Variants in MYO1E observed in about 807,000 individuals in gnomAD.
MYO1E encodes myosin IE.
MYO1E carries 68 observed loss-of-function variants against 151.1 expected under a neutral mutation model. The observed-to-expected ratio is 0.45, with a 90% CI of 0.37 to 0.55. MYO1E has a LOEUF of 0.55. Ranked by LOEUF, MYO1E falls within the 20% of genes least tolerant of loss-of-function variation. MYO1E has a pLI of 0.00. For synonymous variants in MYO1E, 601 were observed against 501.7 expected, an observed-to-expected ratio of 1.20 and a Z score of -2.64; for missense variants, 1,363 against 1,389.3, an observed-to-expected ratio of 0.98 and a Z score of 0.30.
In MYO1E at chr15:59,261,494, C is replaced by G; in HGVS notation, c.163G>C (p.Val55Leu). 1 of 1,601,938 alleles carries G rather than the reference C, an allele frequency of 6.2e-7. No individual in the cohort carries two copies. The highest frequency in any genetic ancestry group is 8.6e-7 in the Non-Finnish European group (1 of 1,169,242). The change falls in exon 3 of 28, where the codon GTA becomes CTA. Residue 55 changes from valine (V) to leucine (L), a missense_variant. Coordinates refer to ENST00000288235, the MANE Select transcript of MYO1E (RefSeq NM_004998.4). ...TTGAAAGGGTTGACTGAGATTAATACAGATCCTATATATGTCTGAATTTAA... is the reference window on the plus strand; with the variant it reads ...TTGAAAGGGTTGACTGAGATTAATAGAGATCCTATATATGTCTGAATTTAA... ...DDYIFTYIGS[V>L]LISVNPFKQM...
intron 1 of MYO1E, among the ~76,000 whole-genome samples, chr15:59,308,919 T>C (rs2080532891): frequency 6.6e-6 from 1 of 151,948 alleles, no homozygotes; most frequent in South Asian, 2.1e-4. Flanking sequence ...GAGGCAGAAT[T>C]GCAGAAAGAG....
At chr15:59,139,422 C>G (rs149233036) in intron 26 of MYO1E, among the ~76,000 whole-genome samples, 2 of 150,898 alleles carry the variant, frequency 1.3e-5, no homozygotes, top group East Asian at 4.0e-4. Context: ...ACTCCTCACA[C>G]TTCCCTCCCA....
At chr15:59,239,516 T>C (rs555516707) in intron 4 of MYO1E, among the ~76,000 whole-genome samples, 2 of 151,958 alleles carry the variant, frequency 1.3e-5, no homozygotes, top group East Asian at 3.9e-4. Context: ...TAAAAAAGAA[T>C]TATAAAAGGA....
chr15:59,176,020 C>T (rs183365743), intron 19 of MYO1E, among the ~76,000 whole-genome samples: 2,375 of 151,896 alleles, frequency 0.016, 34 homozygotes, highest in Non-Finnish European at 0.028. Flanking sequence ...TTTAACAAAA[C>T]AAAAACAAAC....
intron 4 of MYO1E, among the ~76,000 whole-genome samples, chr15:59,239,341 T>G (rs1314083777): frequency 6.6e-6 from 1 of 151,738 alleles, no homozygotes; most frequent in East Asian, 1.9e-4. Context: ...TACATTATTA[T>G]TATTCAACTT....
At chr15:59,247,455 G>A (rs1027134118) in intron 4 of MYO1E, among the ~76,000 whole-genome samples, 1 of 152,234 alleles carries the variant, frequency 6.6e-6, no homozygotes, top group Non-Finnish European at 1.5e-5. Context: ...CCATCTACTA[G>A]TTTTGGATCT....
At chr15:59,174,854 T>G (rs11854052) in intron 19 of MYO1E, among the ~76,000 whole-genome samples, 1 of 151,996 alleles carries the variant, frequency 6.6e-6, no homozygotes, top group South Asian at 2.1e-4. Context: ...TAATGAGGAC[T>G]TGCATTTGCC....
chr15:59,372,470 G>A, intron 1 of MYO1E, 28 bp downstream of exon 1: 2 of 1,537,924 alleles, frequency 1.3e-6, no homozygotes, highest in Non-Finnish European at 1.7e-6. Context: ...CGGGTCCGGC[G>A]TCCTAGGACG....
At chr15:59,370,383 G>T (rs1171894854) in intron 1 of MYO1E, among the ~76,000 whole-genome samples, 2 of 152,236 alleles carry the variant, frequency 1.3e-5, no homozygotes, top group Non-Finnish European at 2.9e-5. Context: ...AGTCAGGAAA[G>T]AAATGATTAA....
intron 22 of MYO1E, among the ~76,000 whole-genome samples, chr15:59,170,381 G>C (rs1306801130): frequency 6.6e-6 from 1 of 152,180 alleles, no homozygotes; most frequent in Non-Finnish European, 1.5e-5. Context: ...GCACGCTGTG[G>C]CCAACCTGGC....
In MYO1E at chr15:59,159,222, C is replaced by T. The variant is rs2079524787; in HGVS notation, c.2786-843G>A. 6.6e-6 allele frequency among the ~76,000 whole-genome samples: 1 copy of T among 152,232 alleles called. No individual in the cohort carries two copies. The highest frequency in any genetic ancestry group is 1.5e-5 in the Non-Finnish European group (1 of 68,028). On this transcript the variant is annotated intron_variant, in intron 24 of 27. Coordinates refer to ENST00000288235, the MANE Select transcript of MYO1E (RefSeq NM_004998.4). The surrounding 1 kb of genome is among the most constrained non-coding windows in gnomAD (Gnocchi z 4.4). ...ACCGACCACGTGGGATCGGGGCAAACCCAGTGTGGCCTGCTGGACGCTTCC... is the reference window on the plus strand; with the variant it reads ...ACCGACCACGTGGGATCGGGGCAAATCCAGTGTGGCCTGCTGGACGCTTCC...
intron 1 of MYO1E, chr15:59,341,334 G>T (rs1216444100): frequency 2.6e-5 from 4 of 151,606 alleles, no homozygotes; most frequent in Non-Finnish European, 5.9e-5. Flanking sequence ...TACACTTCAT[G>T]AATTTGCATG....
intron 3 of MYO1E, among the ~76,000 whole-genome samples, chr15:59,256,997 A>AT (rs1466406143): frequency 6.6e-6 from 1 of 152,188 alleles, no homozygotes; most frequent in East Asian, 1.9e-4. Context: ...GGAAAAAAAA[A>AT]TCCTACCACG....
intron 1 of MYO1E, among the ~76,000 whole-genome samples, chr15:59,366,242 G>T (rs1362689175): frequency 6.6e-6 from 1 of 151,952 alleles, no homozygotes; most frequent in Non-Finnish European, 1.5e-5. Context: ...GCCCCCCAAA[G>T]TGCTGGGATT....
intron 1 of MYO1E, among the ~76,000 whole-genome samples, chr15:59,353,370 AAAAGAAAAGAAAAG>A (rs1256809433): frequency 2.4e-4 from 7 of 29,586 alleles, no homozygotes; most frequent in Admixed American, 5.1e-4. Flanking sequence ...AAAAAAAAAA[AAAAGAAAAGAAAAG>A]AAAAGAAAAG....
chr15:59,183,136 T>G (rs761867874), intron 18 of MYO1E, among the ~76,000 whole-genome samples: 4 of 135,640 alleles, frequency 2.9e-5, no homozygotes, highest in Non-Finnish European at 4.7e-5. Context: ...GGTCCCCTGC[T>G]GCGAGTTGGG....
At chr15:59,160,025 G>A (rs2079528660) in intron 24 of MYO1E, among the ~76,000 whole-genome samples, 1 of 152,092 alleles carries the variant, frequency 6.6e-6, no homozygotes, top group South Asian at 2.1e-4. Flanking sequence ...TTTGTATTTA[G>A]TAGAGACTGG....
intron 1 of MYO1E, among the ~76,000 whole-genome samples, chr15:59,356,392 C>A (rs2080852673): frequency 6.6e-6 from 1 of 152,140 alleles, no homozygotes; most frequent in East Asian, 1.9e-4. Flanking sequence ...GGTGCTTTCA[C>A]CTATTCATTC....
At chr15:59,206,895 A>G in intron 14 of MYO1E, 1 of 1,572,026 alleles carries the variant, frequency 6.4e-7, no homozygotes, top group Non-Finnish European at 8.6e-7. Context: ...CGTTCGGATC[A>G]GCAGCTTTTT....
Sources: gnomAD v4.1 joint callset for allele counts (sites outside exome capture counted in the v4.1 genomes callset) on GRCh38, gnomAD v4.1.1 for gene constraint, Gnocchi (gnomAD v3.1) non-coding constraint, MANE v1.5 for transcripts, NCBI Gene and HGNC (gene_info 2026-07-23, HGNC 2026-07-21) for gene names.